RNMT: variants seen among roughly 807,000 people sequenced by gnomAD.
RNMT encodes the protein mRNA cap guanine-N(7) methyltransferase.
Under a neutral mutation model 56.0 loss-of-function variants are expected in RNMT, and 27 were observed. The ratio of observed to expected loss-of-function variants is 0.48; its 90% CI spans 0.36 to 0.67. The LOEUF (loss-of-function observed/expected upper bound fraction) is 0.67, where lower values mean the gene tolerates loss of function less well. RNMT is among the 30% of genes least tolerant of loss of function. The probability of loss-of-function intolerance (pLI) is 0.00; values close to 1 mark genes in which losing one functional copy is unlikely to be tolerated. For missense variants in RNMT, 519 were observed against 552.1 expected, an observed-to-expected ratio of 0.94 and a Z score of 0.60; for synonymous variants, 184 against 176.2, an observed-to-expected ratio of 1.04 and a Z score of -0.35.
chr18:13,731,231 A>G (rs1056011438), intron 2 of RNMT, among the ~76,000 whole-genome samples: 1 of 152,124 alleles, frequency 6.6e-6, no homozygotes, highest in South Asian at 2.1e-4. Context: ...ACGTGGGGAA[A>G]TCGCGTCTCA....
At chr18:13,744,734 A>T (rs970374750) in intron 8 of RNMT, among the ~76,000 whole-genome samples, 1 of 152,030 alleles carries the variant, frequency 6.6e-6, no homozygotes, top group African/African-American at 2.4e-5. Context: ...GTTTGCCCTT[A>T]CCCTATCCCC....
chr18:13,759,804 C>G, intron 11 of RNMT, 138 bp from the exon 12 acceptor site: 1 of 660,282 alleles, frequency 1.5e-6, no homozygotes, highest in Non-Finnish European at 2.6e-6. Context: ...AATAGAGGAA[C>G]TCTTAGAATT....
At chr18:13,733,691 A>G (rs565335907) in intron 3 of RNMT, among the ~76,000 whole-genome samples, 1 of 152,308 alleles carries the variant, frequency 6.6e-6, no homozygotes, top group South Asian at 2.1e-4. Flanking sequence ...ATCTCTTTAT[A>G]TACATTATCT....
chr18:13,753,515 T>C lies in RNMT; in HGVS notation c.1360-599T>C, dbSNP rs538191803. On this transcript the variant is annotated intron_variant, in intron 10 of 11. Coordinates refer to ENST00000383314, the MANE Select transcript of RNMT (RefSeq NM_003799.3). Reference sequence around the variant, plus strand: ...GCCGGGCGCAATGGCTCAACGCCTGTAATCCCAGCACTTTGGGAGGCTGAG... The same window carrying C: ...GCCGGGCGCAATGGCTCAACGCCTGCAATCCCAGCACTTTGGGAGGCTGAG... 4.6e-5 allele frequency among the ~76,000 whole-genome samples: 7 copies of C among 151,696 alleles called. No individual in the cohort carries two copies. In the South Asian group the frequency reaches 1.5e-3, roughly 32 times the overall value.
intron 8 of RNMT, among the ~76,000 whole-genome samples, chr18:13,743,484 G>C (rs1429169423): frequency 6.6e-6 from 1 of 152,078 alleles, no homozygotes; most frequent in African/African-American, 2.4e-5. Context: ...TCCTGATTCA[G>C]GAATGTATTC....
intron 9 of RNMT, 27 bp downstream of exon 9, chr18:13,746,364 T>C: frequency 7.8e-7 from 1 of 1,289,148 alleles, no homozygotes; most frequent in Non-Finnish European, 1.1e-6. Context: ...GATGTACAAA[T>C]TTCAGTCATG....
At chr18:13,742,971 G>GTTTTTTT in intron 8 of RNMT, 1 of 143,082 alleles carries the variant, frequency 7.0e-6, no homozygotes. Flanking sequence ...AATAGCAAAA[G>GTTTTTTT]TTTTTTTTTT....
intron 11 of RNMT, among the ~76,000 whole-genome samples, chr18:13,759,567 A>G (rs2044594467): frequency 6.6e-6 from 1 of 152,044 alleles, no homozygotes; most frequent in East Asian, 1.9e-4. Flanking sequence ...AATATTTTTA[A>G]TTCTAGTTTT....
intron 9 of RNMT, among the ~76,000 whole-genome samples, chr18:13,749,297 A>G (rs1395946263): frequency 1.3e-5 from 2 of 152,214 alleles, no homozygotes; most frequent in Admixed American, 6.5e-5. Context: ...GTAAAACTAC[A>G]ATATGTGGAA....
At chr18:13,735,144 T>C (rs184581822) in intron 4 of RNMT, among the ~76,000 whole-genome samples, 60 of 152,314 alleles carry the variant, frequency 3.9e-4, no homozygotes, top group Middle Eastern at 3.4e-3. Context: ...GTATATTTAG[T>C]GCATTAAGTA....
At position 13,731,567 on chromosome 18, in the gene RNMT, A is replaced by G; in HGVS notation, c.50A>G (p.Gln17Arg). ...AEEYEKMSLE[Q>R]AKASVNSETE... is the part of the protein sequence containing the mutation. ...GAATATGAAAAGATGTCTCTTGAAC[A>G]GGCAAAAGCGTCAGTGAATTCTGAA... Residue 17 changes from glutamine (Q) to arginine (R), a missense_variant, in exon 3 of 12, where the codon CAG (glutamine) becomes CGG (arginine). Transcript: ENST00000383314. The G allele has an allele frequency of 6.2e-7, 1 of 1,609,742 alleles. No homozygotes were observed. Among genetic ancestry groups the G allele is most frequent in the Non-Finnish European group, 8.5e-7 (1 of 1,178,956 alleles).
intron 4 of RNMT, among the ~76,000 whole-genome samples, chr18:13,736,012 T>G (rs556687245): frequency 6.6e-6 from 1 of 152,246 alleles, no homozygotes; most frequent in Non-Finnish European, 1.5e-5. Context: ...TTCTTGAATG[T>G]GATAAAGGCT....
At position 13,761,648 on chromosome 18, in the gene RNMT, C is replaced by G. The variant is rs3744815; in HGVS notation, c.*1669C>G. 53 of 1,010,236 alleles carry G rather than the reference C, an allele frequency of 5.2e-5. No individual in the cohort carries two copies. In the East Asian group the frequency reaches 4.8e-3, roughly 91 times the overall value. The allele number at this position is 1,010,236 out of a possible 1,614,324, so 62.6% of individuals were successfully genotyped here. On this transcript the variant is annotated 3_prime_UTR_variant, in exon 12 of 12. Coordinates refer to ENST00000383314, the MANE Select transcript of RNMT (RefSeq NM_003799.3). ...CAGGGAGAACAGAAAGGTAGAGTTA[C>G]TAAGGCCTTCAGTGAACAGAAAGGA...
chr18:13,737,584 A>C lies in RNMT; in HGVS notation c.679+449A>C, dbSNP rs149300370. ...GTTACAAGACTTTCCTGATAGTTTCATAGTAAGATTAATAAGCCTGGGATA... is the reference window on the plus strand; with the variant it reads ...GTTACAAGACTTTCCTGATAGTTTCCTAGTAAGATTAATAAGCCTGGGATA... On this transcript the variant is annotated intron_variant, in intron 5 of 11. Coordinates refer to ENST00000383314, the MANE Select transcript of RNMT (RefSeq NM_003799.3). Among the ~76,000 whole-genome samples, 551 of 152,190 alleles carry C rather than the reference A, an allele frequency of 3.6e-3. 2 individuals are homozygous for C. Among genetic ancestry groups the C allele is most frequent in the Non-Finnish European group, 5.9e-3 (404 of 67,980 alleles).
At chr18:13,749,364 G>A (rs769470636) in intron 9 of RNMT, among the ~76,000 whole-genome samples, 16 of 152,198 alleles carry the variant, frequency 1.1e-4, no homozygotes, top group Non-Finnish European at 1.9e-4. Context: ...CCTTTGTTGG[G>A]ATGTGATACA....
intron 6 of RNMT, 105 bp from the exon 7 acceptor site, chr18:13,741,405 G>T (rs1568504225): frequency 4.4e-6 from 3 of 681,774 alleles, no homozygotes; most frequent in Non-Finnish European, 7.4e-6. Flanking sequence ...GGGAAAGATT[G>T]TGAGGGAAAG....
chr18:13,760,721 A>G lies in RNMT; in HGVS notation c.*742A>G. 1 of 985,400 alleles carries G rather than the reference A, an allele frequency of 1.0e-6. No individual in the cohort carries two copies. The highest frequency in any genetic ancestry group is 1.1e-4 in the East Asian group (1 of 8,818). The allele number at this position is 985,400 out of a possible 1,614,324, so 61.0% of individuals were successfully genotyped here. On this transcript the variant is annotated 3_prime_UTR_variant, in exon 12 of 12. Coordinates refer to ENST00000383314, the MANE Select transcript of RNMT (RefSeq NM_003799.3). ...TTCTTCATTGAACAAATGGTGCCAT[A>G]GTTATTTTTCTCAAAATTTAGTGAA...
intron 9 of RNMT, among the ~76,000 whole-genome samples, chr18:13,751,887 A>G (rs1222145040): frequency 6.6e-6 from 1 of 151,882 alleles, no homozygotes; most frequent in Non-Finnish European, 1.5e-5. Context: ...CAACCACCAC[A>G]TGTTCTCACT....
chr18:13,753,207 G>A (rs1007579025), intron 10 of RNMT, among the ~76,000 whole-genome samples: 1 of 152,120 alleles, frequency 6.6e-6, no homozygotes, highest in Non-Finnish European at 1.5e-5. Context: ...AGTGGCTCAC[G>A]CCTGTAATCC....
Sources: allele counts gnomAD v4.1 joint callset (sites outside exome capture counted in the v4.1 genomes callset), GRCh38; gene constraint gnomAD v4.1.1; transcripts MANE v1.5; gene names NCBI Gene and HGNC (gene_info 2026-07-23, HGNC 2026-07-21).